EXT1: variants seen among roughly 807,000 people sequenced by gnomAD.
EXT1 encodes exostosin glycosyltransferase 1.
A neutral mutation model predicts 82.5 loss-of-function variants in EXT1; 20 were observed. The ratio of observed to expected loss-of-function variants is 0.24; its 90% CI spans 0.17 to 0.35. The LOEUF (loss-of-function observed/expected upper bound fraction) is 0.35, where lower values mean the gene tolerates loss of function less well. Ranked by LOEUF, EXT1 falls within the 10% of genes least tolerant of loss-of-function variation. EXT1 has a pLI of 1.00. For missense variants in EXT1, 757 were observed against 936.5 expected, an observed-to-expected ratio of 0.81 and a Z score of 2.50; for synonymous variants, 348 against 350.8, an observed-to-expected ratio of 0.99 and a Z score of 0.09.
At chr8:118,034,157 A>C (rs1816381192) in intron 1 of EXT1, among the ~76,000 whole-genome samples, 1 of 152,176 alleles carries the variant, frequency 6.6e-6, no homozygotes, top group Non-Finnish European at 1.5e-5. Context: ...ATTTTTAAAG[A>C]GATGATTCTT....
chr8:118,054,956 G>GTATATA (rs34579101), intron 1 of EXT1, among the ~76,000 whole-genome samples: 3,055 of 149,662 alleles, frequency 0.02, 44 homozygotes, highest in African/African-American at 0.05. Flanking sequence ...GTATGTATAT[G>GTATATA]TATATATATA....
At chr8:117,866,793 CAAAAAA>C (rs10709657) in intron 1 of EXT1, among the ~76,000 whole-genome samples, 15 of 91,832 alleles carry the variant, frequency 1.6e-4, no homozygotes, top group East Asian at 9.0e-4. Context: ...CTGGCCTACC[CAAAAAA>C]AAAAAAAAAA....
At chr8:118,028,718 T>C (rs1779355352) in intron 1 of EXT1, among the ~76,000 whole-genome samples, 2 of 150,916 alleles carry the variant, frequency 1.3e-5, no homozygotes, top group African/African-American at 4.9e-5. Context: ...GCACCTGATG[T>C]CAGGAGTTAG....
intron 1 of EXT1, among the ~76,000 whole-genome samples, chr8:118,050,989 A>T (rs1167895771): frequency 6.6e-6 from 1 of 152,258 alleles, no homozygotes; most frequent in Non-Finnish European, 1.5e-5. Flanking sequence ...TGGGAAAAAA[A>T]GAATCCCTGC....
At chr8:117,886,166 C>G (rs17504018) in intron 1 of EXT1, among the ~76,000 whole-genome samples, 3,439 of 152,220 alleles carry the variant, frequency 0.023, 141 homozygotes, top group African/African-American at 0.079. Flanking sequence ...GCAAAAATAG[C>G]AGTATATATA....
chr8:117,979,706 C>T (rs1328087673), intron 1 of EXT1, among the ~76,000 whole-genome samples: 1 of 152,182 alleles, frequency 6.6e-6, no homozygotes, highest in Non-Finnish European at 1.5e-5. Flanking sequence ...AAATGTTCTA[C>T]ATTTTGGCCC....
intron 1 of EXT1, among the ~76,000 whole-genome samples, chr8:118,075,859 C>T (rs755731942): frequency 6.6e-6 from 1 of 152,056 alleles, no homozygotes; most frequent in African/African-American, 2.4e-5. Context: ...TCATTGTGTC[C>T]TGAGGACAGC....
chr8:117,954,617 T>C (rs1814553789), intron 1 of EXT1, among the ~76,000 whole-genome samples: 1 of 152,210 alleles, frequency 6.6e-6, no homozygotes, highest in Non-Finnish European at 1.5e-5. Flanking sequence ...GTCTTATTTG[T>C]AATCCCACCT....
intron 7 of EXT1, among the ~76,000 whole-genome samples, chr8:117,815,694 G>T (rs996070327): frequency 6.6e-6 from 1 of 152,164 alleles, no homozygotes; most frequent in African/African-American, 2.4e-5. Context: ...CACTTTGGGA[G>T]GCCTAGGCGG....
chr8:118,055,544 T>C (rs1816781904), intron 1 of EXT1, among the ~76,000 whole-genome samples: 1 of 152,186 alleles, frequency 6.6e-6, no homozygotes, highest in South Asian at 2.1e-4. Flanking sequence ...GTTTTTCCAG[T>C]ATAAAGAAAT....
chr8:118,008,919 G>C (rs558090796), intron 1 of EXT1, among the ~76,000 whole-genome samples: 8 of 152,288 alleles, frequency 5.3e-5, no homozygotes, highest in African/African-American at 1.7e-4. Flanking sequence ...TCCTCAGCAA[G>C]TGTTAGATGT....
intron 1 of EXT1, among the ~76,000 whole-genome samples, chr8:117,931,333 A>G (rs1215321353): frequency 2.0e-5 from 3 of 152,204 alleles, no homozygotes; most frequent in Non-Finnish European, 4.4e-5. Flanking sequence ...TCACACAGAC[A>G]TACATATGCC....
chr8:117,878,298 T>C (rs1173751707), intron 1 of EXT1, among the ~76,000 whole-genome samples: 1 of 152,114 alleles, frequency 6.6e-6, no homozygotes, highest in Non-Finnish European at 1.5e-5. Context: ...CAAATACATA[T>C]TCAACCTACT....
chr8:117,910,415 G>A (rs1813623743), intron 1 of EXT1, among the ~76,000 whole-genome samples: 1 of 152,246 alleles, frequency 6.6e-6, no homozygotes, highest in East Asian at 1.9e-4. Flanking sequence ...TGGTCCACCC[G>A]GTGTGGGATC....
Position 117,796,466 on chromosome 8 carries a change from T to A in EXT1, c.*3246A>T, listed in dbSNP as rs1465265954. 1 of 152,000 alleles carries A rather than the reference T, an allele frequency of 6.6e-6. No individual in the cohort carries two copies. Among genetic ancestry groups the A allele is most frequent in the Non-Finnish European group, 1.5e-5 (1 of 68,004 alleles). 9.4% of individuals were successfully genotyped at this position (152,000 alleles called of 1,614,324 possible). On this transcript the variant is annotated 3_prime_UTR_variant, in exon 11 of 11. Coordinates refer to ENST00000378204, the MANE Select transcript of EXT1 (RefSeq NM_000127.3). Reference sequence around the variant, plus strand: ...CCTTTATGAAAGGCCACCAGCATAATACTCTTTCAAGTCACCAGGTATTTG... The same window carrying A: ...CCTTTATGAAAGGCCACCAGCATAAAACTCTTTCAAGTCACCAGGTATTTG...
chr8:118,083,820 G>C (rs2129986649), intron 1 of EXT1, among the ~76,000 whole-genome samples: 1 of 152,278 alleles, frequency 6.6e-6, no homozygotes, highest in Non-Finnish European at 1.5e-5. Flanking sequence ...TTGGGGTCAG[G>C]AGTTCGAGAC....
At chr8:118,039,557 CAAAAA>C (rs71307422) in intron 1 of EXT1, among the ~76,000 whole-genome samples, 1 of 82,046 alleles carries the variant, frequency 1.2e-5, no homozygotes, top group Non-Finnish European at 2.4e-5. Context: ...GACTCCGTCA[CAAAAA>C]AAAAAAAAAA....
At chr8:117,852,984 CT>C (rs1812481582) in intron 1 of EXT1, among the ~76,000 whole-genome samples, 1 of 152,080 alleles carries the variant, frequency 6.6e-6, no homozygotes, top group Non-Finnish European at 1.5e-5. Context: ...GGAACTTGAC[CT>C]AGTCAGGGGG....
In EXT1 at chr8:117,840,625, A is replaced by G. The variant is rs539341822; in HGVS notation, c.963-3424T>C. 2.6e-5 allele frequency among the ~76,000 whole-genome samples: 4 copies of G among 152,218 alleles called. No homozygotes were observed. In the South Asian group the frequency reaches 6.2e-4, roughly 24 times the overall value. On this transcript the variant is annotated intron_variant, in intron 1 of 10. Transcript: ENST00000378204. ...GAAACTCTATCTCAAAAAGAAAAAA[A>G]AAAAAAAGAAAGAGAGAACGTATTT... is the stretch of plus-strand genomic sequence containing the variant.
Sources: allele counts gnomAD v4.1 joint callset (sites outside exome capture counted in the v4.1 genomes callset), GRCh38; gene constraint gnomAD v4.1.1; transcripts MANE v1.5; gene names NCBI Gene and HGNC (gene_info 2026-07-23, HGNC 2026-07-21).